Variants in CYTH3 observed in about 807,000 individuals in gnomAD.
CYTH3 encodes the protein cytohesin 3.
CYTH3 carries 23 observed loss-of-function variants against 55.1 expected under a neutral mutation model. That is an observed-to-expected ratio of 0.42 (90% CI 0.30 to 0.59). The LOEUF (loss-of-function observed/expected upper bound fraction) is 0.59. CYTH3 is among the 20% of genes least tolerant of loss of function. The pLI is 0.20. For synonymous variants in CYTH3, 249 were observed against 194.9 expected (o/e 1.28, Z -2.31); for missense variants, 413 against 524.8 (o/e 0.79, Z 2.08).
intron 1 of CYTH3, among the ~76,000 whole-genome samples, chr7:6,192,122 T>C (rs926217223): frequency 1.3e-5 from 2 of 152,120 alleles, no homozygotes; most frequent in African/African-American, 4.8e-5. Context: ...ATAAAAACTT[T>C]ATTCTCCAAA....
At chr7:6,179,806 ACAC>A (rs1783452412) in intron 4 of CYTH3, among the ~76,000 whole-genome samples, 2 of 124,018 alleles carry the variant, frequency 1.6e-5, no homozygotes, top group South Asian at 5.3e-4. Flanking sequence ...CCCACCACAC[ACAC>A]CACACACACA....
Position 6,227,311 on chromosome 7 carries a change from T to G in CYTH3, c.35-36780A>C, listed in dbSNP as rs532044979. ...TAAAGTTAGCATTTTGAAGGAATTTTAAGCCTCAAGTCAGTGGATATAATA... is the reference window on the plus strand; with the variant it reads ...TAAAGTTAGCATTTTGAAGGAATTTGAAGCCTCAAGTCAGTGGATATAATA... On this transcript the variant is annotated intron_variant, in intron 1 of 12. Coordinates refer to ENST00000350796, the MANE Select transcript of CYTH3 (RefSeq NM_004227.4). Among the ~76,000 whole-genome samples, 25 of 152,190 alleles carry G rather than the reference T, an allele frequency of 1.6e-4. 1 individual carries two copies. In the East Asian group the frequency reaches 4.6e-3, roughly 28 times the overall value.
At chr7:6,222,355 C>CA (rs1784571509) in intron 1 of CYTH3, among the ~76,000 whole-genome samples, 1 of 152,208 alleles carries the variant, frequency 6.6e-6, no homozygotes, top group Non-Finnish European at 1.5e-5. Flanking sequence ...TGTTCCCCCC[C>CA]ATATCCCTGT....
At position 6,165,635 on chromosome 7, in the gene CYTH3, C is replaced by A. The variant is rs775266968; in HGVS notation, c.901-19G>T. The stretch of plus-strand genomic sequence containing the variant: ...CCTTATCCTACAAGAGGAAAGTACA[C>A]GGCGGGGCTCACTGTGGGTCACCAG... On this transcript the variant is annotated intron_variant, in intron 10 of 12. Coordinates refer to ENST00000350796, the MANE Select transcript of CYTH3 (RefSeq NM_004227.4). 8 of 1,613,078 alleles carry A rather than the reference C, an allele frequency of 5.0e-6. No homozygotes were observed. In the Admixed American group the frequency reaches 1.3e-4, roughly 27 times the overall value.
chr7:6,236,143 C>A lies in CYTH3; in HGVS notation c.34+36331G>T, dbSNP rs139429321. ...CTGCGGAATCTTAAACTGTATCATGCAGACACAGACAAGGGTTTTAGAAAT... is the reference window on the plus strand; with the variant it reads ...CTGCGGAATCTTAAACTGTATCATGAAGACACAGACAAGGGTTTTAGAAAT... On this transcript the variant is annotated intron_variant, in intron 1 of 12. Transcript: ENST00000350796. Among the ~76,000 whole-genome samples the A allele has an allele frequency of 1.1e-4, 16 of 152,224 alleles. No homozygotes were observed. The East Asian group carries it at 1.9e-3, about 18-fold the overall frequency.
chr7:6,171,440 G>A lies in CYTH3; in HGVS notation c.450-126C>T, dbSNP rs1429837852. On this transcript the variant is annotated intron_variant, in intron 6 of 12. Transcript: ENST00000350796. This position sits in a 1 kb window ranked among gnomAD's most constrained non-coding sequence, Gnocchi z 6.7. Reference sequence around the variant, plus strand: ...AGCCTGGGGTACAGCTCTGGCAGGGGCTTGGGGGCGCAGAGACAGAAAGGA... The same window carrying A: ...AGCCTGGGGTACAGCTCTGGCAGGGACTTGGGGGCGCAGAGACAGAAAGGA... The A allele has an allele frequency of 6.8e-6, 5 of 736,072 alleles. No individual in the cohort carries two copies. The highest frequency in any genetic ancestry group is 1.1e-5 in the Non-Finnish European group (5 of 440,278). The allele number at this position is 736,072 out of a possible 1,614,324, so 45.6% of individuals were successfully genotyped here. A position where few individuals can be genotyped will look rare whatever the true frequency, so the allele number is the denominator to read the frequency against.
chr7:6,165,440 G>A lies in CYTH3; in HGVS notation c.973-13C>T, dbSNP rs761333570. ...GCTCAAAACAGTTCTGGTGGAGAAA[G>A]AGAGAGGGGAGGCGGTCAGGGGGGC... On this transcript the variant is annotated splice_polypyrimidine_tract_variant and intron_variant, in intron 11 of 12. Coordinates refer to ENST00000350796, the MANE Select transcript of CYTH3 (RefSeq NM_004227.4). 96 of 1,610,684 alleles carry A rather than the reference G, an allele frequency of 6.0e-5. No individual in the cohort carries two copies. Among genetic ancestry groups the A allele is most frequent in the Non-Finnish European group, 1.9e-5 (22 of 1,177,844 alleles).
intron 1 of CYTH3, among the ~76,000 whole-genome samples, chr7:6,221,522 T>C (rs762448670): frequency 2.8e-4 from 43 of 152,116 alleles, no homozygotes; most frequent in Non-Finnish European, 5.3e-4. Flanking sequence ...AATCTACGCA[T>C]GGGTGATGAC....
At chr7:6,179,676 CCA>C (rs200878912) in intron 4 of CYTH3, among the ~76,000 whole-genome samples, 7 of 95,200 alleles carry the variant, frequency 7.4e-5, no homozygotes, top group South Asian at 3.5e-4. Flanking sequence ...CACACACACA[CCA>C]CACACACCCC....
intron 2 of CYTH3, among the ~76,000 whole-genome samples, chr7:6,189,695 A>G (rs904056995): frequency 1.3e-5 from 2 of 152,146 alleles, no homozygotes; most frequent in Non-Finnish European, 2.9e-5. Context: ...CTCAAAGGGC[A>G]TCTGAGAGCC....
At chr7:6,192,074 G>T (rs962081692) in intron 1 of CYTH3, among the ~76,000 whole-genome samples, 1 of 151,872 alleles carries the variant, frequency 6.6e-6, no homozygotes, top group African/African-American at 2.4e-5. Context: ...CTCCAGTCTG[G>T]GCAACACAGA....
intron 1 of CYTH3, among the ~76,000 whole-genome samples, chr7:6,240,491 T>C (rs958544373): frequency 4.6e-5 from 7 of 152,076 alleles, no homozygotes; most frequent in African/African-American, 1.7e-4. Context: ...AGTAAAACCA[T>C]GTCATGCTGG....
In CYTH3 at chr7:6,164,316, T is replaced by G. The variant is rs1221058157; in HGVS notation, c.*628A>C. ...TTTTTCAGTGCACAGTATATACTTGTGTCCAGGAGTTAACTTTATAGCTGC... is the reference window on the plus strand; with the variant it reads ...TTTTTCAGTGCACAGTATATACTTGGGTCCAGGAGTTAACTTTATAGCTGC... On this transcript the variant is annotated 3_prime_UTR_variant, in exon 13 of 13. Transcript: ENST00000350796. 1.3e-5 allele frequency: 2 copies of G among 153,084 alleles called. No homozygotes were observed. The highest frequency in any genetic ancestry group is 4.8e-5 in the African/African-American group (2 of 41,462). 9.5% of individuals were successfully genotyped at this position (153,084 alleles called of 1,614,324 possible).
chr7:6,169,243 C>T lies in CYTH3; in HGVS notation c.823+1292G>A, dbSNP rs556628695. On this transcript the variant is annotated intron_variant, in intron 9 of 12. Transcript: ENST00000350796. This position sits in a 1 kb window ranked among gnomAD's most constrained non-coding sequence, Gnocchi z 4.1. ...TTCCTTGATGTTTATTTTTTTGAGA[C>T]GAGGTCTCACTCTGTCGCCGAGGTG... 2.3e-4 allele frequency among the ~76,000 whole-genome samples: 35 copies of T among 152,104 alleles called. No homozygotes were observed. Among genetic ancestry groups the T allele is most frequent in the Non-Finnish European group, 4.9e-4 (33 of 68,010 alleles).
intron 1 of CYTH3, among the ~76,000 whole-genome samples, chr7:6,193,027 C>A (rs1783839840): frequency 6.6e-6 from 1 of 151,876 alleles, no homozygotes; most frequent in Non-Finnish European, 1.5e-5. Context: ...AAAAAATTAG[C>A]TGGGTGTAGT....
At chr7:6,247,543 T>C (rs1217668997) in intron 1 of CYTH3, among the ~76,000 whole-genome samples, 4 of 152,254 alleles carry the variant, frequency 2.6e-5, no homozygotes, top group Non-Finnish European at 4.4e-5. Flanking sequence ...TTTAACTTTC[T>C]ACATTGTAAA....
intron 1 of CYTH3, among the ~76,000 whole-genome samples, chr7:6,259,781 T>TA (rs1562417636): frequency 1.1e-3 from 21 of 19,114 alleles, no homozygotes; most frequent in African/African-American, 2.8e-3. Context: ...ATTATATATA[T>TA]ATAATATATA....
At chr7:6,242,433 G>A (rs1336473462) in intron 1 of CYTH3, among the ~76,000 whole-genome samples, 1 of 146,782 alleles carries the variant, frequency 6.8e-6, no homozygotes, top group Non-Finnish European at 1.5e-5. Context: ...CTGGAGTGCA[G>A]TGGCACGATC....
Position 6,216,000 on chromosome 7 carries a change from G to A in CYTH3, c.35-25469C>T, listed in dbSNP as rs1005838037. On this transcript the variant is annotated intron_variant, in intron 1 of 12. Transcript: ENST00000350796. ...GAGACATTCTTAAATAAAGGAAAAC[G>A]AAAACAACTTGTCACCAGTAGACCT... 6.6e-5 allele frequency among the ~76,000 whole-genome samples: 10 copies of A among 152,274 alleles called. No homozygotes were observed. In the East Asian group the frequency reaches 9.6e-4, roughly 15 times the overall value.
Sources: allele counts gnomAD v4.1 joint callset (sites outside exome capture counted in the v4.1 genomes callset), GRCh38; gene constraint gnomAD v4.1.1; non-coding constraint Gnocchi (gnomAD v3.1); transcripts MANE v1.5; gene names NCBI Gene and HGNC (gene_info 2026-07-23, HGNC 2026-07-21).